KIR3DL2: variants seen among roughly 807,000 people sequenced by gnomAD.
KIR3DL2 encodes killer cell immunoglobulin-like receptor 3DL2.
A neutral mutation model predicts 41.6 loss-of-function variants in KIR3DL2; 42 were observed. The ratio of observed to expected loss-of-function variants is 1.01; its 90% CI spans 0.79 to 1.31. The LOEUF (loss-of-function observed/expected upper bound fraction) is 1.31. Ranked by LOEUF, KIR3DL2 falls within the 50% of genes most tolerant of loss-of-function variation. The pLI is 0.00. For missense variants in KIR3DL2, 728 were observed against 576.8 expected (o/e 1.26, Z -2.68); for synonymous variants, 230 against 221.3 (o/e 1.04, Z -0.35).
At position 54,852,202 on chromosome 19, in the gene KIR3DL2, C is replaced by A. The variant is rs369873639; in HGVS notation, c.275C>A (p.Thr92Asn). ...CCTGTGACCCCAGCACATGCAGGGA[C>A]CTACAGATGTCGGGGTTCACGCCCA... The part of the protein sequence containing the change: ...MGPVTPAHAG[T>N]YRCRGSRPHS... The change falls in exon 3 of 9, where the codon ACC (threonine) becomes AAC (asparagine). Residue 92 changes from threonine to asparagine, a missense_variant. Thr to Asn is a moderately conservative substitution (Grantham distance 65). Coordinates refer to ENST00000326321, the MANE Select transcript of KIR3DL2 (RefSeq NM_006737.4). 6.9e-5 allele frequency: 112 copies of A among 1,612,026 alleles called. 4 individuals carry two copies. In the African/African-American group the frequency reaches 9.0e-4, roughly 13 times the overall value.
rs1202826369 is a variant in KIR3DL2 at position 54,865,916 on chromosome 19, C to G, written c.1105+7C>G. 3 of 1,607,900 alleles carry G rather than the reference C, an allele frequency of 1.9e-6. No homozygotes were observed. In the African/African-American group the frequency reaches 4.0e-5, roughly 21 times the overall value. ...TGGTGCTCCAACAAAAAGAGTAAGTCTCACGAAGCAGAGGCCAGAGAGCTC... is the reference window on the plus strand; with the variant it reads ...TGGTGCTCCAACAAAAAGAGTAAGTGTCACGAAGCAGAGGCCAGAGAGCTC... On this transcript the variant is annotated splice_region_variant and intron_variant, in intron 7 of 8. Transcript: ENST00000326321.
intron 3 of KIR3DL2, 142 bp downstream of exon 3, chr19:54,852,424 G>A (rs1374441612): frequency 7.8e-5 from 82 of 1,055,490 alleles, no homozygotes; most frequent in East Asian, 1.2e-4. Context: ...GGAAATGGGT[G>A]CTGTGGTGGG....
chr19:54,865,948 A>G (rs3745897), intron 7 of KIR3DL2, 39 bp downstream of exon 7: 59,613 of 1,531,838 alleles, frequency 0.039, 1,470 homozygotes, highest in East Asian at 0.11. Flanking sequence ...GCTCAGGGCC[A>G]TGTGGGGAAG....
chr19:54,851,281 T>C, intron 2 of KIR3DL2, 26 bp downstream of exon 2: 1 of 1,601,150 alleles, frequency 6.2e-7, no homozygotes, highest in Non-Finnish European at 8.5e-7. Flanking sequence ...AACCTTAGGG[T>C]GTCATCTCCC....
chr19:54,850,983 G>A (rs1355684215), intron 1 of KIR3DL2, among the ~76,000 whole-genome samples: 1 of 150,472 alleles, frequency 6.6e-6, no homozygotes, highest in African/African-American at 2.5e-5. Context: ...GGAGATAGGG[G>A]CCTGGAGTGG....
intron 4 of KIR3DL2, among the ~76,000 whole-genome samples, chr19:54,854,649 T>A (rs1239167318): frequency 6.6e-6 from 1 of 151,758 alleles, no homozygotes; most frequent in African/African-American, 2.4e-5. Flanking sequence ...ATAGGATCAC[T>A]GAGAGACACA....
intron 4 of KIR3DL2, among the ~76,000 whole-genome samples, chr19:54,855,230 A>G (rs1385698898): frequency 6.6e-6 from 1 of 151,562 alleles, no homozygotes; most frequent in East Asian, 1.9e-4. Flanking sequence ...AATGATACAT[A>G]GATATAGATG....
Position 54,856,032 on chromosome 19 carries a change from A to G in KIR3DL2, c.949+120A>G, listed in dbSNP as rs73932244. On this transcript the variant is annotated intron_variant, in intron 5 of 8. Transcript: ENST00000326321. ...AGAGAGAACACGAAGACTGGGTGTGAGGGGGGGGTCAGGGTGCAGGATGGC... is the reference window on the plus strand; with the variant it reads ...AGAGAGAACACGAAGACTGGGTGTGGGGGGGGGGTCAGGGTGCAGGATGGC... 32 of 1,218,864 alleles carry G rather than the reference A, an allele frequency of 2.6e-5. No homozygotes were observed. The Admixed American group carries it at 3.4e-4, about 13-fold the overall frequency. The allele number at this position is 1,218,864 out of a possible 1,614,324, so 75.5% of individuals were successfully genotyped here.
In KIR3DL2 at chr19:54,866,819, G is replaced by C. The variant is rs57766694; in HGVS notation, c.*88G>C. 0.034 allele frequency: 47,723 copies of C among 1,402,142 alleles called. 1,195 individuals carry two copies. The highest frequency in any genetic ancestry group is 0.11 in the East Asian group (4,799 of 43,452). The allele number at this position is 1,402,142 out of a possible 1,614,324, so 86.9% of individuals were successfully genotyped here. A position where few individuals can be genotyped will look rare whatever the true frequency, so the allele number is the denominator to read the frequency against. On this transcript the variant is annotated 3_prime_UTR_variant, in exon 9 of 9. Transcript: ENST00000326321. ...GAAGGCATCAGTCTGCATCTTAGGG[G>C]ATCGCTCTTCCTCACACCACGAATC...
intron 7 of KIR3DL2, 114 bp downstream of exon 7, chr19:54,866,023 C>T (rs940943305): frequency 2.1e-6 from 2 of 967,666 alleles, no homozygotes; most frequent in South Asian, 1.4e-5. Context: ...AAGGGAGGAG[C>T]CACAGAGGCA....
chr19:54,852,130 T>A lies in KIR3DL2; in HGVS notation c.203T>A (p.Val68Asp), dbSNP rs949740117. The change falls in exon 3 of 9, where the codon GTT becomes GAT. Residue 68 changes from valine (V) to aspartate (D), a missense_variant. Physicochemically the swap from Val to Asp is radical, Grantham distance 152 (BLOSUM62 -3). Transcript: ENST00000326321. Reference sequence around the variant, plus strand: ...CTGTACAAAGAAGACAGAAGCCACGTTCCCATCTTCCACGGCAGAATATTC... The same window carrying A: ...CTGTACAAAGAAGACAGAAGCCACGATCCCATCTTCCACGGCAGAATATTC... ...FMLYKEDRSH[V>D]PIFHGRIFQE... The A allele has an allele frequency of 5.6e-6, 9 of 1,612,806 alleles. No individual in the cohort carries two copies. Among genetic ancestry groups the A allele is most frequent in the Admixed American group, 5.0e-5 (3 of 59,948 alleles).
At position 54,855,779 on chromosome 19, in the gene KIR3DL2, C is replaced by A; in HGVS notation, c.816C>A (p.Val272=). 2 of 1,613,444 alleles carry A rather than the reference C, an allele frequency of 1.2e-6. No homozygotes were observed. The highest frequency in any genetic ancestry group is 1.7e-5 in the Admixed American group (1 of 60,006). The change falls in exon 5 of 9, where the codon GTC becomes GTA. Residue 272 remains valine (V), a synonymous_variant. Transcript: ENST00000326321. ...HERRLRAVPK[V]NRTFQADFPL... ...GTAGGCTCCGTGCAGTGCCCAAGGT[C>A]AACAGAACATTCCAGGCAGACTTTC...
intron 6 of KIR3DL2, among the ~76,000 whole-genome samples, chr19:54,860,047 C>G (rs1269886211): frequency 1.3e-5 from 2 of 152,056 alleles, no homozygotes; most frequent in African/African-American, 4.8e-5. Context: ...GAAAATCCAT[C>G]ATAATCTCCC....
intron 6 of KIR3DL2, among the ~76,000 whole-genome samples, chr19:54,860,696 A>T (rs2065107965): frequency 6.6e-6 from 1 of 151,030 alleles, no homozygotes; most frequent in East Asian, 1.9e-4. Context: ...TCAATAATAG[A>T]TAATGCTGAG....
intron 7 of KIR3DL2, 34 bp from the exon 8 acceptor site, chr19:54,866,336 T>C: frequency 4.3e-6 from 7 of 1,613,340 alleles, no homozygotes; most frequent in Non-Finnish European, 5.9e-6. Context: ...AGAAGGGCCC[T>C]CCAAGCGGTT....
At chr19:54,851,065 G>T (rs1370138172) in intron 1 of KIR3DL2, among the ~76,000 whole-genome samples, 155 bp from the exon 2 acceptor site, 4 of 150,254 alleles carry the variant, frequency 2.7e-5, no homozygotes, top group African/African-American at 9.9e-5. Context: ...TCTCTCCACA[G>T]CTGAGAGCCC....
chr19:54,859,233 T>G (rs2145665502), intron 6 of KIR3DL2, 104 bp downstream of exon 6: 1 of 1,055,198 alleles, frequency 9.5e-7, no homozygotes, highest in South Asian at 1.3e-5. Context: ...AATGAGGGCC[T>G]GTCTTCCACC....
chr19:54,854,114 C>T (rs1364878047), intron 4 of KIR3DL2, 68 bp downstream of exon 4: 2 of 1,317,316 alleles, frequency 1.5e-6, no homozygotes, highest in East Asian at 2.5e-5. Flanking sequence ...GACTTGGAAC[C>T]CCCAGGTGGT....
At chr19:54,854,220 C>A (rs374011616) in intron 4 of KIR3DL2, among the ~76,000 whole-genome samples, 174 bp downstream of exon 4, 15 of 151,664 alleles carry the variant, frequency 9.9e-5, no homozygotes, top group African/African-American at 1.9e-4. Context: ...TAAGTACAGA[C>A]CAGGTGTCAT....
Sources: allele counts gnomAD v4.1 joint callset (sites outside exome capture counted in the v4.1 genomes callset), GRCh38; gene constraint gnomAD v4.1.1; transcripts MANE v1.5; gene names NCBI Gene and HGNC (gene_info 2026-07-23, HGNC 2026-07-21).